The following DGKQ variants were observed in gnomAD, a reference collection of about 807,000 sequenced individuals.
DGKQ encodes DAG kinase theta.
In DGKQ, 97 loss-of-function variants were observed where a neutral mutation model predicts 104.2. The observed-to-expected ratio is 0.93, with a 90% CI of 0.79 to 1.10. DGKQ has a LOEUF of 1.10. Among genes scored for constraint, DGKQ ranks in the 50% least tolerant of loss-of-function variants. DGKQ has a pLI of 0.00. For synonymous variants in DGKQ, 736 were observed against 595.2 expected (o/e 1.24, Z -3.44); for missense variants, 1,465 against 1,352.1 (o/e 1.08, Z -1.31).
chr4:961,113 T>C lies in DGKQ; in HGVS notation c.2663A>G (p.Gln888Arg). Residue 888 changes from glutamine (Q) to arginine (R), a missense_variant, in exon 22 of 23, where the codon CAG (glutamine) becomes CGG (arginine). Coordinates refer to ENST00000273814, the MANE Select transcript of DGKQ (RefSeq NM_001347.4). ...CTGGACCCAGGGCTCCCCGTCCACC[T>C]GCACCGGGGTGGCCTTGAGGAGCGT... ...RVTLLKATPVQVDGEPWVQAP... is the reference protein window; with the variant it reads ...RVTLLKATPVRVDGEPWVQAP... 6.2e-7 allele frequency: 1 copy of C among 1,610,968 alleles called. No individual in the cohort carries two copies. Among genetic ancestry groups the C allele is most frequent in the Admixed American group, 1.7e-5 (1 of 59,506 alleles).
intron 2 of DGKQ, 64 bp from the exon 3 acceptor site, chr4:968,974 C>T (rs578072777): frequency 5.5e-5 from 58 of 1,049,024 alleles, no homozygotes; most frequent in South Asian, 4.8e-4. Context: ...CACCCCTCCT[C>T]GCTCTTCACC....
At chr4:963,008 C>G (rs926411454) in intron 16 of DGKQ, 88 bp from the exon 17 acceptor site, 1 of 1,515,658 alleles carries the variant, frequency 6.6e-7, no homozygotes. Context: ...CCGTCCTGGC[C>G]GTGTGGAGGA....
Position 968,463 on chromosome 4 carries a change from G to T in DGKQ, c.537+16C>A, listed in dbSNP as rs374165890. 7 of 1,600,170 alleles carry T rather than the reference G, an allele frequency of 4.4e-6. No individual in the cohort carries two copies. In the Admixed American group the frequency reaches 1.0e-4, roughly 23 times the overall value. On this transcript the variant is annotated intron_variant, in intron 4 of 22. Transcript: ENST00000273814. The stretch of plus-strand genomic sequence containing the variant: ...CCGCCCCACCCCCCAGGGCTCCCTG[G>T]GGCCGGTACACTCACGTGATCCTGG...
rs146830759 is a variant in DGKQ, at chr4:961,511, C to T, written c.2530G>A (p.Asp844Asn). Reference protein sequence around the residue: ...DTRFEKPRMDDGLLEVVGVTG... With the variant: ...DTRFEKPRMDNGLLEVVGVTG... ...ACGCCCACAACCTCCAGCAGCCCGT[C>T]GTCCATGCGTGGCTTCTCAAACCTG... The change falls in exon 21 of 23, where the codon GAC becomes AAC. Residue 844 changes from aspartate (D) to asparagine (N), a missense_variant. By Grantham distance (23) the Asp-to-Asn change is conservative (BLOSUM62 1). Coordinates refer to ENST00000273814, the MANE Select transcript of DGKQ (RefSeq NM_001347.4). 1.1e-5 allele frequency: 18 copies of T among 1,608,436 alleles called. No homozygotes were observed. Among genetic ancestry groups the T allele is most frequent in the African/African-American group, 2.7e-5 (2 of 74,744 alleles).
In DGKQ at chr4:967,797, C is replaced by A; in HGVS notation, c.817G>T (p.Gly273Trp). 1.2e-6 allele frequency: 2 copies of A among 1,600,776 alleles called. No individual in the cohort carries two copies. Among genetic ancestry groups the A allele is most frequent in the South Asian group, 1.1e-5 (1 of 89,826 alleles). Residue 273 changes from glycine to tryptophan, a missense_variant, in exon 7 of 23, where the codon GGG (glycine) becomes TGG (tryptophan). By Grantham distance (184) the Gly-to-Trp change is radical. Coordinates refer to ENST00000273814, the MANE Select transcript of DGKQ (RefSeq NM_001347.4). The part of the protein sequence containing the change: ...RIVEAAEPGE[G>W]GDGADGSAAV... ...GCGCTCCCGTCGGCGCCGTCGCCCC[C>A]CTCGCCTGCGGGTCGGGCACACGGA... is the stretch of plus-strand genomic sequence containing the variant.
chr4:963,010 T>C lies in DGKQ; in HGVS notation c.1887-90A>G. 7 of 1,513,282 alleles carry C rather than the reference T, an allele frequency of 4.6e-6. No individual in the cohort carries two copies. The East Asian group carries it at 7.3e-5, about 16-fold the overall frequency. The allele number at this position is 1,513,282 out of a possible 1,614,324, so 93.7% of individuals were successfully genotyped here. The stretch of plus-strand genomic sequence containing the variant: ...CTCTTCCAAGTGCCCGTCCTGGCCG[T>C]GTGGAGGACTTCAAGGTCCCAGCAC... On this transcript the variant is annotated intron_variant, in intron 16 of 22. Coordinates refer to ENST00000273814, the MANE Select transcript of DGKQ (RefSeq NM_001347.4).
At chr4:966,627 C>G in intron 11 of DGKQ, 100 bp from the exon 12 acceptor site, 1 of 1,509,216 alleles carries the variant, frequency 6.6e-7, no homozygotes, top group East Asian at 2.4e-5. Context: ...CAGGGTGGAG[C>G]TGGTCAGGAG....
chr4:964,318 G>A (rs1357540490), intron 15 of DGKQ, among the ~76,000 whole-genome samples: 19 of 152,230 alleles, frequency 1.2e-4, no homozygotes, highest in African/African-American at 3.9e-4. Context: ...TGCTTCGCCT[G>A]GACTGGGGTC....
intron 15 of DGKQ, among the ~76,000 whole-genome samples, chr4:964,450 G>A (rs563781128): frequency 1.1e-4 from 16 of 152,294 alleles, no homozygotes; most frequent in Non-Finnish European, 1.9e-4. Flanking sequence ...GGTGTGCAGC[G>A]TGGAGTCCCA....
In DGKQ at chr4:967,728, C is replaced by CG; in HGVS notation, c.885dup (p.Gly296ArgfsTer9). ...TGGGGGGAATGAGGCGGGCACTTACCGGACTCCGGAGTTGCCTGTGTCTCT... is the reference window on the plus strand; with the variant it reads ...TGGGGGGAATGAGGCGGGCACTTACCGGGACTCCGGAGTTGCCTGTGTCTCT... On this transcript the variant is annotated frameshift_variant and splice_region_variant, in exon 7 of 23. Coordinates refer to ENST00000273814, the MANE Select transcript of DGKQ (RefSeq NM_001347.4). LOFTEE classifies it high-confidence loss of function. 6.2e-7 allele frequency: 1 copy of CG among 1,611,142 alleles called. No homozygotes were observed. Among genetic ancestry groups the CG allele is most frequent in the South Asian group, 1.1e-5 (1 of 90,924 alleles).
rs922959946 is a variant in DGKQ at position 971,657 on chromosome 4, G to C, written c.272-585C>G. ...GGACCCAGGGAGCACCTGAGCCGGC[G>C]GGGTGCTCAGGAGGGCATAAGAGGA... On this transcript the variant is annotated intron_variant, in intron 1 of 22. Coordinates refer to ENST00000273814, the MANE Select transcript of DGKQ (RefSeq NM_001347.4). The surrounding 1 kb of genome is among the most constrained non-coding windows in gnomAD (Gnocchi z 4.0). Among the ~76,000 whole-genome samples the C allele has an allele frequency of 6.6e-6, 1 of 152,110 alleles. No individual in the cohort carries two copies. Among genetic ancestry groups the C allele is most frequent in the Non-Finnish European group, 1.5e-5 (1 of 68,012 alleles).
Position 960,395 on chromosome 4 carries a change from G to C in DGKQ, c.*225C>G. ...GGGACACGGGGTAACACTGCCACCC[G>C]CACACCAGTCTCCAGTGGGATGAGG... On this transcript the variant is annotated 3_prime_UTR_variant, in exon 23 of 23. Coordinates refer to ENST00000273814, the MANE Select transcript of DGKQ (RefSeq NM_001347.4). 1.7e-6 allele frequency: 1 copy of C among 580,320 alleles called. No homozygotes were observed. Among genetic ancestry groups the C allele is most frequent in the East Asian group, 2.8e-5 (1 of 35,470 alleles). The allele number at this position is 580,320 out of a possible 1,614,324, so 35.9% of individuals were successfully genotyped here.
rs775270693 is a variant in DGKQ at position 960,716 on chromosome 4, G to A, written c.2733C>T (p.His911=). The stretch of plus-strand genomic sequence containing the variant: ...GCTTCTGCTTGGCCTTCCTCAGCAT[G>A]TGCACCTGTCCCAGGGCAGGGGACA... ...MIISAAGPKV[H]MLRKAKQKPR... is the part of the protein sequence containing the mutation. Residue 911 remains histidine (H), a synonymous_variant, in exon 23 of 23, where the codon CAC becomes CAT. Coordinates refer to ENST00000273814, the MANE Select transcript of DGKQ (RefSeq NM_001347.4). 1.2e-6 allele frequency: 2 copies of A among 1,611,938 alleles called. No individual in the cohort carries two copies. Among genetic ancestry groups the A allele is most frequent in the Non-Finnish European group, 1.7e-6 (2 of 1,179,676 alleles).
chr4:960,578 G>A lies in DGKQ; in HGVS notation c.*42C>T, dbSNP rs1349834060. The A allele has an allele frequency of 6.4e-7, 1 of 1,565,522 alleles. No individual in the cohort carries two copies. Among genetic ancestry groups the A allele is most frequent in the Admixed American group, 1.7e-5 (1 of 59,592 alleles). ...AGACCACCTGAAAACAAGGCTGGCG[G>A]GAGCAGAGATGGCTCGAGCCCTTGG... On this transcript the variant is annotated 3_prime_UTR_variant, in exon 23 of 23. Transcript: ENST00000273814.
intron 5 of DGKQ, 114 bp downstream of exon 5, chr4:968,161 GCACCCAC>G: frequency 8.2e-6 from 6 of 736,012 alleles, no homozygotes; most frequent in Non-Finnish European, 1.0e-5. Context: ...CCGCCCCCGA[GCACCCAC>G]CTGGAACCCG....
chr4:967,352 G>A lies in DGKQ; in HGVS notation c.997C>T (p.Leu333=). The part of the protein sequence containing the change: ...AGAEEVLEAA[L]RAHHIPEDPG... ...TCCTCGGGGATGTGGTGGGCCCGCA[G>A]TGCGGCCTCCTGCAGGGCACCAGGT... The change falls in exon 9 of 23, where the codon CTG becomes TTG. Residue 333 remains leucine, a synonymous_variant. Coordinates refer to ENST00000273814, the MANE Select transcript of DGKQ (RefSeq NM_001347.4). The A allele has an allele frequency of 6.5e-7, 1 of 1,534,758 alleles. No individual in the cohort carries two copies. The highest frequency in any genetic ancestry group is 1.2e-5 in the South Asian group (1 of 84,012).
chr4:965,203 G>C lies in DGKQ; in HGVS notation c.1707C>G (p.Leu569=). The C allele has an allele frequency of 6.2e-7, 1 of 1,612,598 alleles. No individual in the cohort carries two copies. Among genetic ancestry groups the C allele is most frequent in the Non-Finnish European group, 8.5e-7 (1 of 1,179,852 alleles). Residue 569 remains leucine (L), a synonymous_variant, in exon 15 of 23, where the codon CTC becomes CTG. Coordinates refer to ENST00000273814, the MANE Select transcript of DGKQ (RefSeq NM_001347.4). ...GCAGGTCGGGGAGCACCAGGGCAGT[G>C]AGCAGCCGGCCCCGCACAGCCATGT... ...LKDMAVRGRL[L]TALVLPDLLH...
At position 971,103 on chromosome 4, in the gene DGKQ, C is replaced by G; in HGVS notation, c.272-31G>C. The G allele has an allele frequency of 6.6e-7, 1 of 1,513,572 alleles. No individual in the cohort carries two copies. The highest frequency in any genetic ancestry group is 9.0e-7 in the Non-Finnish European group (1 of 1,113,332). The allele number at this position is 1,513,572 out of a possible 1,614,324, so 93.8% of individuals were successfully genotyped here. ...GGAATGAGCACTGTGTGAGTTGGCC[C>G]CTGTCCTACCCAATGGCTGTCCTAC... On this transcript the variant is annotated intron_variant, in intron 1 of 22. Coordinates refer to ENST00000273814, the MANE Select transcript of DGKQ (RefSeq NM_001347.4). The surrounding 1 kb of genome is among the most constrained non-coding windows in gnomAD (Gnocchi z 4.0).
intron 8 of DGKQ, 33 bp from the exon 9 acceptor site, chr4:967,394 T>C: frequency 1.9e-6 from 1 of 526,128 alleles, no homozygotes; most frequent in Non-Finnish European, 2.5e-6. Context: ...GGCCAAGTTG[T>C]GGGGGGTCAG....
Sources: gnomAD v4.1 joint callset for allele counts (sites outside exome capture counted in the v4.1 genomes callset) on GRCh38, gnomAD v4.1.1 for gene constraint, Gnocchi (gnomAD v3.1) non-coding constraint, MANE v1.5 for transcripts, NCBI Gene and HGNC (gene_info 2026-07-23, HGNC 2026-07-21) for gene names.